Variants in SDHA observed in about 807,000 individuals in gnomAD.
SDHA encodes the protein succinate dehydrogenase complex flavoprotein subunit A.
SDHA carries 48 observed loss-of-function variants against 78.4 expected under a neutral mutation model. That is an observed-to-expected ratio of 0.61 (90% CI 0.49 to 0.78). The LOEUF is 0.78. Among genes scored for constraint, SDHA ranks in the 30% least tolerant of loss-of-function variants. The pLI, the probability that SDHA is intolerant of heterozygous loss-of-function variation, is 0.00. For missense variants in SDHA, 680 were observed against 892.7 expected (o/e 0.76, Z 3.04); for synonymous variants, 326 against 353.9 (o/e 0.92, Z 0.88).
Position 223,400 on chromosome 5 carries a change from T to C in SDHA, c.64-82T>C. On this transcript the variant is annotated intron_variant, in intron 1 of 14. Transcript: ENST00000264932. ...TGGGTACATAAGAAGGTGAACAGTT[T>C]GCAAGGGGAAATTACTATCCCCCAC... is the stretch of plus-strand genomic sequence containing the variant. The C allele has an allele frequency of 2.9e-6, 3 of 1,031,030 alleles. No individual in the cohort carries two copies. In the South Asian group the frequency reaches 3.8e-5, roughly 13 times the overall value. The allele number at this position is 1,031,030 out of a possible 1,614,324, so 63.9% of individuals were successfully genotyped here.
At chr5:227,478 C>A (rs1735104431) in intron 5 of SDHA, 2 of 156,352 alleles carry the variant, frequency 1.3e-5, no homozygotes, top group Admixed American at 6.2e-5. Context: ...GGGGACGGAT[C>A]GTTAATTTGC....
At chr5:261,673 T>C (rs1405334582), downstream of SDHA, among the ~76,000 whole-genome samples, 2 of 81,052 alleles carry the variant, frequency 2.5e-5, no homozygotes, top group African/African-American at 8.5e-5. Context: ...GAGCTCCGCC[T>C]CCCGTCACAG....
rs184815168 is a variant in SDHA, at chr5:242,777, A to C, written c.1551+2301A>C. On this transcript the variant is annotated intron_variant, in intron 11 of 14. Coordinates refer to ENST00000264932, the MANE Select transcript of SDHA (RefSeq NM_004168.4). ...AGTCCCTGTGGTGAGTAAGACGGGT[A>C]GCTCAGAAGCATCAGGGTAACAATG... Among the ~76,000 whole-genome samples the C allele has an allele frequency of 3.3e-5, 5 of 152,304 alleles. No individual in the cohort carries two copies. The East Asian group carries it at 5.8e-4, about 18-fold the overall frequency.
chr5:242,575 A>G (rs1263798060), intron 11 of SDHA, among the ~76,000 whole-genome samples: 5 of 151,990 alleles, frequency 3.3e-5, no homozygotes, highest in African/African-American at 1.2e-4. Context: ...CACTCCACAC[A>G]CTATATTTCT....
intron 13 of SDHA, 23 bp from the exon 14 acceptor site, chr5:254,370 C>T (rs375150862): frequency 3.8e-5 from 60 of 1,567,126 alleles, no homozygotes; most frequent in Non-Finnish European, 4.8e-5. Context: ...TAATAAGAAA[C>T]GTGATGGTGT....
chr5:240,370 C>A lies in SDHA; in HGVS notation c.1445C>A (p.Pro482His), dbSNP rs759661610. The A allele has an allele frequency of 3.8e-6, 6 of 1,597,668 alleles. No individual in the cohort carries two copies. Among genetic ancestry groups the A allele is most frequent in the Non-Finnish European group, 5.1e-6 (6 of 1,166,158 alleles). The change falls in exon 11 of 15, where the codon CCT (proline) becomes CAT (histidine). Residue 482 changes from proline (P) to histidine (H), a missense_variant. Physicochemically the swap from Pro to His is moderately conservative, Grantham distance 77. Transcript: ENST00000264932. Reference protein sequence around the residue: ...EESCRPGDKVPPIKPNAGEES... With the variant: ...EESCRPGDKVHPIKPNAGEES... ...TTTTTTGTTTTAGGAGATAAAGTCCCTCCAATTAAACCAAACGCTGGGGAA... is the reference window on the plus strand; with the variant it reads ...TTTTTTGTTTTAGGAGATAAAGTCCATCCAATTAAACCAAACGCTGGGGAA...
At chr5:247,050 A>G (rs1736509856) in intron 11 of SDHA, among the ~76,000 whole-genome samples, 1 of 152,236 alleles carries the variant, frequency 6.6e-6, no homozygotes, top group Non-Finnish European at 1.5e-5. Context: ...ATTTAAACCA[A>G]ATGAAGATGC....
At position 256,347 on chromosome 5, in the gene SDHA, A is replaced by G. The variant is rs1385127518; in HGVS notation, c.1922A>G (p.Tyr641Cys). ...DVGTGKVTLE[Y>C]RPVIDKTLNE... ...CTTCTTTTCAAGGTCACTCTGGAAT[A>G]TAGACCCGTGATCGACAAAACTTTG... The change falls in exon 15 of 15, where the codon TAT becomes TGT. Residue 641 changes from tyrosine (Y) to cysteine (C), a missense_variant. Coordinates refer to ENST00000264932, the MANE Select transcript of SDHA (RefSeq NM_004168.4). 6.2e-7 allele frequency: 1 copy of G among 1,613,538 alleles called. No individual in the cohort carries two copies. Among genetic ancestry groups the G allele is most frequent in the Non-Finnish European group, 8.5e-7 (1 of 1,179,590 alleles).
At position 249,026 on chromosome 5, in the gene SDHA, G is replaced by A. The variant is rs376248256; in HGVS notation, c.1552-1966G>A. On this transcript the variant is annotated intron_variant, in intron 11 of 14. Coordinates refer to ENST00000264932, the MANE Select transcript of SDHA (RefSeq NM_004168.4). ...ATAAAAAAGCATCTAGAAGGACACC[G>A]TACAAACTTGTCTTTGGATATTGCA... The A allele has an allele frequency of 7.0e-4, 279 of 400,582 alleles. 1 individual carries two copies. Among genetic ancestry groups the A allele is most frequent in the South Asian group, 2.7e-3 (147 of 54,844 alleles). 24.8% of individuals were successfully genotyped at this position (400,582 alleles called of 1,614,324 possible). A position where few individuals can be genotyped will look rare whatever the true frequency, so the allele number is the denominator to read the frequency against.
intron 8 of SDHA, 83 bp from the exon 9 acceptor site, chr5:235,059 ACT>A (rs1735675923): frequency 7.4e-7 from 1 of 1,347,094 alleles, no homozygotes; most frequent in African/African-American, 1.4e-5. Context: ...ACATGTTGAA[ACT>A]CACACACTTC....
chr5:247,498 G>GAT (rs1384700176), intron 11 of SDHA, among the ~76,000 whole-genome samples: 3 of 152,226 alleles, frequency 2.0e-5, no homozygotes, highest in Non-Finnish European at 2.9e-5. Context: ...CTCAAACGCA[G>GAT]ATACAGCAGT....
chr5:235,028 G>GA (rs1735674676), intron 8 of SDHA, 116 bp from the exon 9 acceptor site: 1 of 1,044,776 alleles, frequency 9.6e-7, no homozygotes, highest in Admixed American at 1.8e-5. Flanking sequence ...TACATGAGGG[G>GA]AAATTTTCCT....
In SDHA at chr5:251,354, G is replaced by A. The variant is rs1139449; in HGVS notation, c.1680G>A (p.Thr560=). Reference sequence around the variant, plus strand: ...TGTCCCCAGGAATGGTCTGGAACACGGACCTGGTGGAGACCCTGGAGCTGC... The same window carrying A: ...TGTCCCCAGGAATGGTCTGGAACACAGACCTGGTGGAGACCCTGGAGCTGC... ...KTFDRGMVWN[T]DLVETLELQN... Residue 560 remains threonine (T), a synonymous_variant, in exon 13 of 15, where the codon ACG becomes ACA. Coordinates refer to ENST00000264932, the MANE Select transcript of SDHA (RefSeq NM_004168.4). 0.15 allele frequency: 234,663 copies of A among 1,609,722 alleles called. 23,907 individuals are homozygous for A. Among genetic ancestry groups the A allele is most frequent in the African/African-American group, 0.53 (39,741 of 74,546 alleles).
At chr5:248,024 C>T (rs1448661009) in intron 11 of SDHA, among the ~76,000 whole-genome samples, 1 of 152,196 alleles carries the variant, frequency 6.6e-6, no homozygotes, top group Non-Finnish European at 1.5e-5. Context: ...GCCTAAAGGC[C>T]AGATCTTATC....
chr5:266,799 C>T, the SDHA span, among the ~76,000 whole-genome samples: 5 of 151,922 alleles, frequency 3.3e-5, no homozygotes, highest in South Asian at 2.1e-4. Flanking sequence ...CTCGCCGTCC[C>T]GTGCAGTAGA....
intron 11 of SDHA, among the ~76,000 whole-genome samples, chr5:247,311 C>A (rs1408712151): frequency 6.6e-6 from 1 of 152,300 alleles, no homozygotes; most frequent in Non-Finnish European, 1.5e-5. Context: ...TTTATTTATG[C>A]AATTGCAAAC....
intron 11 of SDHA, chr5:250,484 C>T (rs892777129): frequency 1.3e-5 from 3 of 230,308 alleles, no homozygotes; most frequent in Admixed American, 1.0e-4. Flanking sequence ...GCCAGATGGG[C>T]CAAGGGCCCC....
chr5:220,815 A>ATTTT (rs753343756), intron 1 of SDHA, among the ~76,000 whole-genome samples: 3 of 139,070 alleles, frequency 2.2e-5, no homozygotes, highest in Non-Finnish European at 3.1e-5. Context: ...TGTGAACTGA[A>ATTTT]TTTTTTTTTT....
chr5:227,341 GA>G (rs1735095322), intron 5 of SDHA, among the ~76,000 whole-genome samples: 1 of 152,350 alleles, frequency 6.6e-6, no homozygotes, highest in East Asian at 1.9e-4. Flanking sequence ...TGTTAACACT[GA>G]AGAAAGACTT....
Sources: allele counts gnomAD v4.1 joint callset (sites outside exome capture counted in the v4.1 genomes callset), GRCh38; gene constraint gnomAD v4.1.1; transcripts MANE v1.5; gene names NCBI Gene and HGNC (gene_info 2026-07-23, HGNC 2026-07-21).